Variants in PLD1 observed in about 807,000 individuals in gnomAD.
PLD1 encodes the protein phospholipase D1.
Under a neutral mutation model 137.1 loss-of-function variants are expected in PLD1, and 112 were observed. That is an observed-to-expected ratio of 0.82 (90% CI 0.70 to 0.96). The LOEUF (loss-of-function observed/expected upper bound fraction) is 0.96. Ranked by LOEUF, PLD1 falls within the 40% of genes least tolerant of loss-of-function variation. The pLI, the probability that PLD1 is intolerant of heterozygous loss-of-function variation, is 0.00. For synonymous variants in PLD1, 431 were observed against 454.7 expected, an observed-to-expected ratio of 0.95 and a Z score of 0.66; for missense variants, 1,321 against 1,342.0, an observed-to-expected ratio of 0.98 and a Z score of 0.24.
At chr3:171,603,480 T>A (rs1271060226) in intron 26 of PLD1, among the ~76,000 whole-genome samples, 178 bp from the exon 27 acceptor site, 1 of 152,176 alleles carries the variant, frequency 6.6e-6, no homozygotes, top group East Asian at 1.9e-4. Context: ...AATAGATAGA[T>A]CTGCTACAAA....
At chr3:171,654,084 T>C (rs1737000441) in intron 21 of PLD1, 1 of 377,398 alleles carries the variant, frequency 2.6e-6, no homozygotes, top group Non-Finnish European at 5.2e-6. Context: ...GCGGATCACT[T>C]GAGGTTAGGA....
intron 1 of PLD1, among the ~76,000 whole-genome samples, chr3:171,747,785 C>T (rs1296799135): frequency 6.6e-6 from 1 of 152,096 alleles, no homozygotes; most frequent in Non-Finnish European, 1.5e-5. Context: ...TGTTCTTAGC[C>T]CCTTTTAAGC....
At chr3:171,638,267 A>G (rs112257542) in intron 23 of PLD1, among the ~76,000 whole-genome samples, 33 of 152,242 alleles carry the variant, frequency 2.2e-4, no homozygotes, top group African/African-American at 7.2e-4. Context: ...AGTGGTGAAT[A>G]AATGTGAAGG....
chr3:171,635,071 G>A (rs1734993992), intron 23 of PLD1, among the ~76,000 whole-genome samples: 1 of 152,036 alleles, frequency 6.6e-6, no homozygotes, highest in African/African-American at 2.4e-5. Context: ...TAAGGTCTTC[G>A]AGGTTCATCT....
chr3:171,722,271 T>C lies in PLD1; in HGVS notation c.758+2425A>G, dbSNP rs528950434. Among the ~76,000 whole-genome samples the C allele has an allele frequency of 5.0e-4, 76 of 152,308 alleles. 1 individual carries two copies. The highest frequency in any genetic ancestry group is 1.7e-3 in the African/African-American group (70 of 41,574). ...TAATGTTTTCTGTCTATATTACGCT[T>C]ACCATGATAAACATTTTTCAGAAAT... On this transcript the variant is annotated intron_variant, in intron 8 of 26. Transcript: ENST00000351298.
At chr3:171,720,546 G>A (rs956773783) in intron 8 of PLD1, among the ~76,000 whole-genome samples, 17 of 150,486 alleles carry the variant, frequency 1.1e-4, no homozygotes, top group Admixed American at 6.6e-4. Context: ...TCAGGCCGCT[G>A]CACTCCAGCC....
At chr3:171,647,413 T>C (rs1736333604) in intron 21 of PLD1, among the ~76,000 whole-genome samples, 1 of 152,178 alleles carries the variant, frequency 6.6e-6, no homozygotes. Context: ...CATTTTATTG[T>C]GGTAAAATAC....
chr3:171,614,765 A>G (rs933389986), intron 24 of PLD1, among the ~76,000 whole-genome samples: 11 of 152,204 alleles, frequency 7.2e-5, no homozygotes, highest in African/African-American at 2.7e-4. Context: ...TTGAACTGAC[A>G]TCACTGCTTT....
At chr3:171,663,359 C>G (rs533718019) in intron 19 of PLD1, among the ~76,000 whole-genome samples, 3 of 152,348 alleles carry the variant, frequency 2.0e-5, no homozygotes, top group African/African-American at 7.2e-5. Flanking sequence ...AAGTCTGGCT[C>G]AACTATTTAC....
chr3:171,692,421 T>G lies in PLD1; in HGVS notation c.1249A>C (p.Ile417Leu), dbSNP rs147571898. 3 of 1,586,266 alleles carry G rather than the reference T, an allele frequency of 1.9e-6. No homozygotes were observed. Among genetic ancestry groups the G allele is most frequent in the South Asian group, 1.1e-5 (1 of 90,520 alleles). ...RKAQQGVRIF[I>L]MLYKEVELAL... ...AGTTCCACCTCTTTGTAGAGCATTA[T>G]GAAGATCCTCACTCCTTGTTGCTGT... Residue 417 changes from isoleucine (I) to leucine (L), a missense_variant, in exon 13 of 27, where the codon ATA becomes CTA. Transcript: ENST00000351298.
intron 8 of PLD1, among the ~76,000 whole-genome samples, chr3:171,716,858 G>C (rs1578344349): frequency 6.6e-6 from 1 of 152,110 alleles, no homozygotes; most frequent in South Asian, 2.1e-4. Context: ...TTGTCTTCCA[G>C]GGTTTTTATA....
chr3:171,675,520 T>C (rs1269821672), intron 18 of PLD1, among the ~76,000 whole-genome samples: 1 of 152,186 alleles, frequency 6.6e-6, no homozygotes, highest in Non-Finnish European at 1.5e-5. Context: ...AAATTTATCC[T>C]CCCTGGGGTA....
Position 171,660,376 on chromosome 3 carries a change from CA to C in PLD1, c.2341-1076del, listed in dbSNP as rs371564629. On this transcript the variant is annotated intron_variant, in intron 20 of 26. Transcript: ENST00000351298. ...CAAACCATGTTTCTTTTTCTGAATTCATATTATAAAGAAGCTTAGCATGCCT... is the reference window on the plus strand; with the variant it reads ...CAAACCATGTTTCTTTTTCTGAATTCTATTATAAAGAAGCTTAGCATGCCT... Among the ~76,000 whole-genome samples, 318 of 152,238 alleles carry C rather than the reference CA, an allele frequency of 2.1e-3. 3 individuals are homozygous for C. Among genetic ancestry groups the C allele is most frequent in the African/African-American group, 7.4e-3 (306 of 41,544 alleles).
At chr3:171,750,210 G>C (rs1050823332) in intron 1 of PLD1, among the ~76,000 whole-genome samples, 5 of 152,120 alleles carry the variant, frequency 3.3e-5, no homozygotes, top group African/African-American at 4.8e-5. Flanking sequence ...TTTAGTGAAC[G>C]AATAAGTAGA....
At chr3:171,626,264 A>G (rs138909907) in intron 23 of PLD1, among the ~76,000 whole-genome samples, 12,040 of 152,216 alleles carry the variant, frequency 0.079, 1,355 homozygotes, top group African/African-American at 0.25. Context: ...GATGGAAGAC[A>G]AAATGAATGA....
chr3:171,770,415 C>A (rs1578451484), intron 1 of PLD1, among the ~76,000 whole-genome samples: 1 of 152,192 alleles, frequency 6.6e-6, no homozygotes, highest in East Asian at 1.9e-4. Flanking sequence ...AAGGAGTAGG[C>A]CTGAAGAAAA....
At chr3:171,687,620 T>G (rs1234962108) in intron 14 of PLD1, 36 bp from the exon 15 acceptor site, 4 of 1,338,588 alleles carry the variant, frequency 3.0e-6, no homozygotes, top group Non-Finnish European at 4.3e-6. Context: ...AGACACTGCA[T>G]AAGACATGCT....
chr3:171,751,952 G>A (rs1430668659), intron 1 of PLD1, among the ~76,000 whole-genome samples: 4 of 150,930 alleles, frequency 2.7e-5, no homozygotes, highest in South Asian at 2.1e-4. Flanking sequence ...GCAGTGAGCC[G>A]AGATCGCGCC....
intron 1 of PLD1, among the ~76,000 whole-genome samples, chr3:171,744,647 C>A (rs1024028810): frequency 1.3e-5 from 2 of 152,226 alleles, no homozygotes; most frequent in Non-Finnish European, 2.9e-5. Flanking sequence ...GTTGAACTCA[C>A]GTTCTCTTTT....
Sources: allele counts gnomAD v4.1 joint callset (sites outside exome capture counted in the v4.1 genomes callset), GRCh38; gene constraint gnomAD v4.1.1; transcripts MANE v1.5; gene names NCBI Gene and HGNC (gene_info 2026-07-23, HGNC 2026-07-21).